The following PCTP variants were observed in gnomAD, a reference collection of about 807,000 sequenced individuals.
PCTP encodes the protein START domain-containing protein 2.
In PCTP, 27 loss-of-function variants were observed where a neutral mutation model predicts 31.0. That is an observed-to-expected ratio of 0.87 (90% confidence interval 0.64 to 1.20). The LOEUF is 1.20. Ranked by LOEUF, PCTP falls within the 50% of genes most tolerant of loss-of-function variation. PCTP has a pLI of 0.00. For missense variants in PCTP, 287 were observed against 268.2 expected (o/e 1.07, Z -0.49); for synonymous variants, 108 against 101.2 (o/e 1.07, Z -0.40).
intron 5 of PCTP, among the ~76,000 whole-genome samples, chr17:55,835,251 G>A (rs1478672354): frequency 6.6e-6 from 1 of 152,150 alleles, no homozygotes; most frequent in African/African-American, 2.4e-5. Flanking sequence ...GCCATCCCAA[G>A]CCACCAGTTC....
At chr17:55,834,272 T>A (rs2145083839) in intron 5 of PCTP, among the ~76,000 whole-genome samples, 1 of 152,284 alleles carries the variant, frequency 6.6e-6, no homozygotes, top group Non-Finnish European at 1.5e-5. Flanking sequence ...TGTGCCACAG[T>A]GATTTGCTGC....
intron 3 of PCTP, among the ~76,000 whole-genome samples, chr17:55,807,803 A>G (rs1316898308): frequency 6.6e-6 from 1 of 152,172 alleles, no homozygotes; most frequent in African/African-American, 2.4e-5. Context: ...GGAATTCACA[A>G]TAATTCTCTT....
chr17:55,809,757 A>C (rs1318656963), intron 3 of PCTP, among the ~76,000 whole-genome samples: 2 of 152,132 alleles, frequency 1.3e-5, no homozygotes, highest in Non-Finnish European at 1.5e-5. Context: ...TCCTGACCTC[A>C]TGACTCGCCC....
intron 1 of PCTP, among the ~76,000 whole-genome samples, chr17:55,760,335 A>G (rs984631806): frequency 6.6e-6 from 1 of 152,234 alleles, no homozygotes; most frequent in African/African-American, 2.4e-5. Flanking sequence ...TTGTTAATGA[A>G]ATAGTAACCT....
At chr17:55,805,918 T>TGTGTGTGTGTGTGTGTGTGTG (rs1567726531) in intron 3 of PCTP, among the ~76,000 whole-genome samples, 22 of 108,900 alleles carry the variant, frequency 2.0e-4, no homozygotes, top group African/African-American at 9.7e-4. Context: ...GTGTGTGTGT[T>TGTGTGTGTGTGTGTGTGTGTG]TGACTTTAGA....
intron 5 of PCTP, among the ~76,000 whole-genome samples, chr17:55,840,379 T>C (rs1905934217): frequency 6.6e-6 from 1 of 152,238 alleles, no homozygotes; most frequent in Admixed American, 6.5e-5. Context: ...AAATAAAGCT[T>C]GTATAATTCC....
chr17:55,777,284 G>A lies in PCTP; in HGVS notation c.*1184G>A, dbSNP rs1217748383. 4 of 984,892 alleles carry A rather than the reference G, an allele frequency of 4.1e-6. No homozygotes were observed. Among genetic ancestry groups the A allele is most frequent in the Non-Finnish European group, 4.8e-6 (4 of 829,156 alleles). The allele number at this position is 984,892 out of a possible 1,614,324, so 61.0% of individuals were successfully genotyped here. A position where few individuals can be genotyped will look rare whatever the true frequency, so the allele number is the denominator to read the frequency against. ...ATTCAGGATGTAAAGCCACAGAATG[G>A]GATTTATTAATGTGGGATACCTCAG... is the stretch of plus-strand genomic sequence containing the variant. On this transcript the variant is annotated 3_prime_UTR_variant, in exon 6 of 6. Coordinates refer to ENST00000268896, the MANE Select transcript of PCTP (RefSeq NM_021213.4).
At chr17:55,804,131 T>C (rs62078586) in intron 3 of PCTP, among the ~76,000 whole-genome samples, 21,255 of 152,150 alleles carry the variant, frequency 0.14, 1,552 homozygotes, top group Middle Eastern at 0.19. Flanking sequence ...CACTGGTCAT[T>C]AGAGAAATGC....
At chr17:55,832,839 A>AT (rs1392381039) in intron 5 of PCTP, among the ~76,000 whole-genome samples, 1 of 152,130 alleles carries the variant, frequency 6.6e-6, no homozygotes, top group African/African-American at 2.4e-5. Flanking sequence ...ACAACATCCC[A>AT]TTTTTTTGAT....
Position 55,783,071 on chromosome 17 carries a change from CA to C in PCTP, c.229-4486del, listed in dbSNP as rs112854274. Among the ~76,000 whole-genome samples, 834 of 150,312 alleles carry C rather than the reference CA, an allele frequency of 5.5e-3. 9 individuals carry two copies. Among genetic ancestry groups the C allele is most frequent in the African/African-American group, 0.019 (775 of 41,230 alleles). On this transcript the variant is annotated intron_variant, in intron 2 of 3. Coordinates refer to the PCTP transcript ENST00000572536. ...ACCAATAATGCCTGAAAGATAGGTC[CA>C]AAAAAAAATGTATTCTCAATCTTGT...
At chr17:55,771,264 G>A in intron 3 of PCTP, 79 bp downstream of exon 3, 7 of 1,112,110 alleles carry the variant, frequency 6.3e-6, no homozygotes, top group South Asian at 3.8e-5. Flanking sequence ...TTGCAGAGAG[G>A]TAGAGCTGGT....
intron 5 of PCTP, chr17:55,775,343 G>A (rs1224124752): frequency 1.6e-6 from 2 of 1,232,236 alleles, no homozygotes; most frequent in Non-Finnish European, 1.0e-6. Flanking sequence ...TGTATCACTA[G>A]AGACTGCCCA....
chr17:55,849,049 AAAT>A, the PCTP span, among the ~76,000 whole-genome samples: 1 of 152,202 alleles, frequency 6.6e-6, no homozygotes, highest in Non-Finnish European at 1.5e-5. Context: ...TATCATCAAA[AAAT>A]AATTCAACAG....
chr17:55,781,395 T>G (rs1330938185), downstream of PCTP, among the ~76,000 whole-genome samples: 2 of 152,224 alleles, frequency 1.3e-5, no homozygotes, highest in Non-Finnish European at 2.9e-5. Context: ...ATTCCTTGGA[T>G]TTAGAAAAAA....
At chr17:55,827,912 G>A (rs904989797), downstream of PCTP, among the ~76,000 whole-genome samples, 1 of 152,164 alleles carries the variant, frequency 6.6e-6, no homozygotes, top group African/African-American at 2.4e-5. Context: ...TGCAGGTCCT[G>A]TAAAACCACT....
chr17:55,776,294 C>CCCACCGAGAT lies in PCTP; in HGVS notation c.*195_*196insCACCGAGATC. The CCCACCGAGAT allele has an allele frequency of 7.3e-7, 1 of 1,371,058 alleles. No individual in the cohort carries two copies. Among genetic ancestry groups the CCCACCGAGAT allele is most frequent in the Non-Finnish European group, 9.4e-7 (1 of 1,064,402 alleles). 84.9% of individuals were successfully genotyped at this position (1,371,058 alleles called of 1,614,324 possible). The stretch of plus-strand genomic sequence containing the variant: ...ACCACATCCTTTCTAAGCATGTTTG[C>CCCACCGAGAT]CTGACATCCAGCTCACTCGTCTGCT... On this transcript the variant is annotated 3_prime_UTR_variant, in exon 6 of 6. Transcript: ENST00000268896.
chr17:55,763,717 C>T (rs545195289), intron 1 of PCTP, among the ~76,000 whole-genome samples: 12 of 152,108 alleles, frequency 7.9e-5, no homozygotes, highest in Middle Eastern at 3.2e-3. Flanking sequence ...TATGGGGTTA[C>T]ATGTCACCTT....
At chr17:55,753,100 C>T (rs796460973) in intron 1 of PCTP, among the ~76,000 whole-genome samples, 2 of 152,328 alleles carry the variant, frequency 1.3e-5, no homozygotes, top group African/African-American at 4.8e-5. Flanking sequence ...TTACCAGCCA[C>T]ATCAAGGCTT....
intron 3 of PCTP, among the ~76,000 whole-genome samples, chr17:55,790,262 C>T (rs1911909731): frequency 6.6e-6 from 1 of 152,108 alleles, no homozygotes; most frequent in Non-Finnish European, 1.5e-5. Context: ...AATGCCCTCT[C>T]TCACCACTCC....
Sources: allele counts gnomAD v4.1 joint callset (sites outside exome capture counted in the v4.1 genomes callset), GRCh38; gene constraint gnomAD v4.1.1; transcripts MANE v1.5; gene names NCBI Gene and HGNC (gene_info 2026-07-23, HGNC 2026-07-21).